The following AAK1 variants were observed in gnomAD, a reference collection of about 807,000 sequenced individuals.
AAK1 encodes the protein AP2-associated protein kinase 1.
AAK1 carries 37 observed loss-of-function variants against 116.0 expected under a neutral mutation model. The ratio of observed to expected loss-of-function variants is 0.32; its 90% CI spans 0.25 to 0.42. AAK1 has a LOEUF of 0.42. Ranked by LOEUF, AAK1 falls within the 10% of genes least tolerant of loss-of-function variation. The pLI is 1.00. For missense variants in AAK1, 919 were observed against 1,170.6 expected, an observed-to-expected ratio of 0.79 and a Z score of 3.14; for synonymous variants, 458 against 439.9, an observed-to-expected ratio of 1.04 and a Z score of -0.51.
intron 2 of AAK1, among the ~76,000 whole-genome samples, chr2:69,602,729 A>C (rs932745792): frequency 2.6e-5 from 4 of 152,194 alleles, no homozygotes; most frequent in Non-Finnish European, 4.4e-5. Context: ...GACAAACAGG[A>C]TGAGCAAAGA....
rs539389470 is a variant in AAK1 at position 69,583,986 on chromosome 2, A to G, written c.164-27008T>C. On this transcript the variant is annotated intron_variant, in intron 2 of 21. Transcript: ENST00000409085. ...GGGTATCAGCCATGTTCTGATAGCC[A>G]GCTTCACCTGACCACCCTTCCCTAA... 7.2e-5 allele frequency among the ~76,000 whole-genome samples: 11 copies of G among 152,350 alleles called. No homozygotes were observed. The East Asian group carries it at 9.6e-4, about 13-fold the overall frequency.
chr2:69,578,971 T>C (rs1672432804), intron 2 of AAK1, among the ~76,000 whole-genome samples: 1 of 152,020 alleles, frequency 6.6e-6, no homozygotes. Context: ...GCCCGGCTAA[T>C]TTTTTTGTGT....
chr2:69,604,216 G>A (rs1673699349), intron 2 of AAK1, among the ~76,000 whole-genome samples: 1 of 152,180 alleles, frequency 6.6e-6, no homozygotes, highest in Admixed American at 6.5e-5. Flanking sequence ...AATTAATCAG[G>A]CTGGCCAGAC....
intron 16 of AAK1, among the ~76,000 whole-genome samples, chr2:69,504,349 G>A (rs1230944912): frequency 1.5e-5 from 2 of 135,088 alleles, no homozygotes; most frequent in Non-Finnish European, 3.0e-5. Context: ...AGTGAGCCGA[G>A]ACTGTGCCAC....
rs566248136 is a variant in AAK1, at chr2:69,494,294, C to T, written c.2365+1691G>A. Among the ~76,000 whole-genome samples the T allele has an allele frequency of 7.2e-5, 11 of 152,276 alleles. No homozygotes were observed. The South Asian group carries it at 2.3e-3, about 32-fold the overall frequency. On this transcript the variant is annotated intron_variant, in intron 17 of 21. Transcript: ENST00000409085. ...GATGACAAGAAGGCAGGCAGGATGG[C>T]AGCCAGCTGGCTCTGGTGGCCCCAG...
intron 2 of AAK1, among the ~76,000 whole-genome samples, chr2:69,572,715 C>T (rs1421806101): frequency 6.6e-6 from 1 of 151,424 alleles, no homozygotes; most frequent in African/African-American, 2.4e-5. Context: ...AGGCGAGTGG[C>T]TCACCCCAGT....
At chr2:69,613,985 T>C (rs867486941) in intron 2 of AAK1, among the ~76,000 whole-genome samples, 1 of 152,124 alleles carries the variant, frequency 6.6e-6, no homozygotes, top group Non-Finnish European at 1.5e-5. Flanking sequence ...TCCAAATAGA[T>C]AGTGTCAGAA....
Position 69,466,531 on chromosome 2 carries a change from G to T in AAK1, c.*9338C>A. The T allele has an allele frequency of 1.7e-6, 2 of 1,204,670 alleles. No individual in the cohort carries two copies. The highest frequency in any genetic ancestry group is 1.5e-5 in the South Asian group (1 of 66,960). The allele number at this position is 1,204,670 out of a possible 1,614,324, so 74.6% of individuals were successfully genotyped here. A position where few individuals can be genotyped will look rare whatever the true frequency, so the allele number is the denominator to read the frequency against. The stretch of plus-strand genomic sequence containing the variant: ...TGCTCTACAGTTATTACAGGACAGG[G>T]ATTGGACTCCCTCTGGAGATCTAGA... On this transcript the variant is annotated 3_prime_UTR_variant, in exon 22 of 22. Coordinates refer to ENST00000409085, the MANE Select transcript of AAK1 (RefSeq NM_014911.5).
At chr2:69,637,326 C>T (rs76748183) in intron 2 of AAK1, among the ~76,000 whole-genome samples, 6,475 of 152,282 alleles carry the variant, frequency 0.043, 400 homozygotes, top group East Asian at 0.16. Context: ...GCAGCATCTG[C>T]AGCTATTTGC....
rs1675068905 is a variant in AAK1, at chr2:69,481,012, GA to G, written c.2468-52del. On this transcript the variant is annotated intron_variant, in intron 18 of 21. Coordinates refer to ENST00000409085, the MANE Select transcript of AAK1 (RefSeq NM_014911.5). ...GGAAAGGGTAAGGGAAAGGGAGTCA[GA>G]AGTTTCTTTAGGAAATTCTGTGAAG... 6.2e-5 allele frequency: 88 copies of G among 1,410,692 alleles called. 2 individuals are homozygous for G. In the South Asian group the frequency reaches 1.1e-3, roughly 18 times the overall value. 87.4% of individuals were successfully genotyped at this position (1,410,692 alleles called of 1,614,324 possible). A position where few individuals can be genotyped will look rare whatever the true frequency, so the allele number is the denominator to read the frequency against.
At chr2:69,575,020 C>CCAA (rs1553417498) in intron 2 of AAK1, among the ~76,000 whole-genome samples, 1 of 76,834 alleles carries the variant, frequency 1.3e-5, no homozygotes, top group Admixed American at 1.5e-4. Flanking sequence ...AAAAAGACTA[C>CCAA]AAAAAAAAAA....
intron 2 of AAK1, among the ~76,000 whole-genome samples, chr2:69,636,692 A>G (rs1363066897): frequency 6.7e-6 from 1 of 150,060 alleles, no homozygotes; most frequent in Non-Finnish European, 1.5e-5. Context: ...TAGATAATTT[A>G]TTTTTTCTTT....
At chr2:69,569,651 C>T (rs1672015973) in intron 2 of AAK1, among the ~76,000 whole-genome samples, 1 of 152,154 alleles carries the variant, frequency 6.6e-6, no homozygotes, top group Non-Finnish European at 1.5e-5. Flanking sequence ...CAATCCCACC[C>T]AAATCCTCCC....
At chr2:69,484,828 T>G (rs1414565675) in intron 17 of AAK1, among the ~76,000 whole-genome samples, 1 of 149,136 alleles carries the variant, frequency 6.7e-6, no homozygotes, top group Non-Finnish European at 1.5e-5. Flanking sequence ...TGAGCCAAGA[T>G]CATGCCATTG....
chr2:69,465,595 T>C lies in AAK1; in HGVS notation c.*10274A>G, dbSNP rs528799890. 1.5e-5 allele frequency: 20 copies of C among 1,291,006 alleles called. No homozygotes were observed. In the South Asian group the frequency reaches 2.5e-4, roughly 16 times the overall value. 80.0% of individuals were successfully genotyped at this position (1,291,006 alleles called of 1,614,324 possible). A position where few individuals can be genotyped will look rare whatever the true frequency, so the allele number is the denominator to read the frequency against. On this transcript the variant is annotated 3_prime_UTR_variant, in exon 22 of 22. Transcript: ENST00000409085. ...GCAGCAATGGGCTGGGCTTCTGGAC[T>C]TGGCTCGTCTTCTGGGCTATAGTGA...
chr2:69,520,106 AT>A, intron 11 of AAK1: 3 of 234,658 alleles, frequency 1.3e-5, no homozygotes, highest in South Asian at 7.7e-5. Context: ...CCCCTAGCCC[AT>A]TTCAATGTCC....
At chr2:69,544,249 T>C in intron 4 of AAK1, 187 bp downstream of exon 4, 1 of 541,516 alleles carries the variant, frequency 1.8e-6, no homozygotes. Flanking sequence ...GAGTTCTATA[T>C]TATCTACGTT....
At position 69,468,896 on chromosome 2, in the gene AAK1, T is replaced by C; in HGVS notation, c.*6973A>G. The C allele has an allele frequency of 6.1e-6, 6 of 985,464 alleles. No individual in the cohort carries two copies. Among genetic ancestry groups the C allele is most frequent in the Non-Finnish European group, 7.2e-6 (6 of 829,930 alleles). 61.0% of individuals were successfully genotyped at this position (985,464 alleles called of 1,614,324 possible). A position where few individuals can be genotyped will look rare whatever the true frequency, so the allele number is the denominator to read the frequency against. On this transcript the variant is annotated 3_prime_UTR_variant, in exon 22 of 22. Coordinates refer to ENST00000409085, the MANE Select transcript of AAK1 (RefSeq NM_014911.5). Reference sequence around the variant, plus strand: ...GAACCCATTTGGAAAACCTTCCAACTCAGAGCATATTCTATGACCTTCATG... The same window carrying C: ...GAACCCATTTGGAAAACCTTCCAACCCAGAGCATATTCTATGACCTTCATG...
intron 16 of AAK1, among the ~76,000 whole-genome samples, chr2:69,497,292 ATTCT>A (rs1390873913): frequency 2.1e-4 from 23 of 107,430 alleles, no homozygotes; most frequent in African/African-American, 9.5e-4. Flanking sequence ...TTACATTATC[ATTCT>A]TTTTTTTTTT....
Sources: gnomAD v4.1 joint callset for allele counts (sites outside exome capture counted in the v4.1 genomes callset) on GRCh38, gnomAD v4.1.1 for gene constraint, MANE v1.5 for transcripts, NCBI Gene and HGNC (gene_info 2026-07-23, HGNC 2026-07-21) for gene names.